The following SMARCC2 variants were observed in gnomAD, a reference collection of about 807,000 sequenced individuals.
The protein encoded by SMARCC2 is SWI/SNF related BAF chromatin remodeling complex subunit C2, also known as SWI/SNF complex subunit SMARCC2.
SMARCC2 carries 15 observed loss-of-function variants against 151.3 expected under a neutral mutation model. The observed-to-expected ratio is 0.10, with a 90% CI of 0.07 to 0.15. The LOEUF (loss-of-function observed/expected upper bound fraction) is 0.15, where lower values mean the gene tolerates loss of function less well. SMARCC2 is among the 10% of genes least tolerant of loss of function. SMARCC2 has a pLI of 1.00. For synonymous variants in SMARCC2, 590 were observed against 609.5 expected (o/e 0.97, Z 0.47); for missense variants, 1,031 against 1,599.7 (o/e 0.64, Z 6.06).
Position 56,178,065 on chromosome 12 carries a change from G to A in SMARCC2, c.1339C>T (p.Pro447Ser). 6.2e-7 allele frequency: 1 copy of A among 1,613,762 alleles called. No individual in the cohort carries two copies. The highest frequency in any genetic ancestry group is 1.3e-5 in the African/African-American group (1 of 75,044). ...TTGTTCTTGCCGTTGAAGAACTCGG[G>A]GAGAGCCCTCCGCTCAATGGCATGA... ...SVHAIERRAL[P>S]EFFNGKNKSK... Residue 447 changes from proline (P) to serine (S), a missense_variant, in exon 15 of 29, where the codon CCC becomes TCC. By Grantham distance (74) the Pro-to-Ser change is moderately conservative. Transcript: ENST00000550164.
chr12:56,170,086 T>G, intron 23 of SMARCC2, 58 bp downstream of exon 23: 1 of 1,529,316 alleles, frequency 6.5e-7, no homozygotes, highest in Non-Finnish European at 9.1e-7. Flanking sequence ...CAAGGCCAAC[T>G]TCCCCATCAC....
Position 56,187,314 on chromosome 12 carries a change from A to G in SMARCC2, c.112-8T>C, listed in dbSNP as rs1160025393. ...TGGTTCAGCTTGTATATACTAAGGA[A>G]AAAGAGGGAAAGGAAAGAAAAATAG... On this transcript the variant is annotated splice_polypyrimidine_tract_variant and splice_region_variant and intron_variant, in intron 1 of 28. Transcript: ENST00000550164. The G allele has an allele frequency of 6.2e-7, 1 of 1,608,512 alleles. No individual in the cohort carries two copies. Among genetic ancestry groups the G allele is most frequent in the African/African-American group, 1.3e-5 (1 of 74,882 alleles).
At position 56,187,079 on chromosome 12, in the gene SMARCC2, A is replaced by T; in HGVS notation, c.231+108T>A. On this transcript the variant is annotated intron_variant, in intron 2 of 28. Transcript: ENST00000550164. ...GGATAGGGATGGTGGAAAATAACCC[A>T]AATTTCAAAAATTACAAAATTCACA... 6 of 1,269,016 alleles carry T rather than the reference A, an allele frequency of 4.7e-6. No individual in the cohort carries two copies. In the South Asian group the frequency reaches 8.7e-5, roughly 18 times the overall value. 78.6% of individuals were successfully genotyped at this position (1,269,016 alleles called of 1,614,324 possible).
chr12:56,169,722 C>T, intron 24 of SMARCC2, 27 bp from the exon 25 acceptor site: 1 of 1,613,954 alleles, frequency 6.2e-7, no homozygotes, highest in Non-Finnish European at 8.5e-7. Flanking sequence ...GTTGAGTTAG[C>T]CCCACAGCTT....
intron 7 of SMARCC2, chr12:56,183,606 T>C (rs1876678773): frequency 2.6e-6 from 1 of 384,084 alleles, no homozygotes; most frequent in East Asian, 4.3e-5. Flanking sequence ...ACATTTAGAT[T>C]GTTTCTAACA....
chr12:56,183,363 T>G (rs965880211), intron 7 of SMARCC2: 8 of 151,794 alleles, frequency 5.3e-5, no homozygotes, highest in African/African-American at 1.9e-4. Context: ...AGACGGGGTT[T>G]CAGCATGTTG....
At chr12:56,172,550 A>G (rs368815429) in intron 19 of SMARCC2, 35 bp downstream of exon 19, 27 of 1,613,534 alleles carry the variant, frequency 1.7e-5, no homozygotes, top group Non-Finnish European at 2.1e-5. Flanking sequence ...AGGAGCGAAC[A>G]TTCTCTACCC....
At chr12:56,169,457 A>T in intron 25 of SMARCC2, 72 bp downstream of exon 25, 1 of 1,511,750 alleles carries the variant, frequency 6.6e-7, no homozygotes, top group South Asian at 1.2e-5. Context: ...GTGAGGAAAG[A>T]TTTCCTCTAA....
Position 56,181,688 on chromosome 12 carries a change from GA to G in SMARCC2, c.840+15del, listed in dbSNP as rs1876241281. ...TATGCTAAGGGCGCCAGGAAAAAAA[GA>G]ACAGGATTTGTCACCTCATCTGTCA... On this transcript the variant is annotated intron_variant, in intron 9 of 28. Coordinates refer to ENST00000550164, the MANE Select transcript of SMARCC2 (RefSeq NM_001330288.2). The G allele has an allele frequency of 1.2e-6, 2 of 1,614,172 alleles. No individual in the cohort carries two copies. The highest frequency in any genetic ancestry group is 1.7e-6 in the Non-Finnish European group (2 of 1,180,018).
At chr12:56,187,740 T>C (rs1877527285) in intron 1 of SMARCC2, among the ~76,000 whole-genome samples, 2 of 152,182 alleles carry the variant, frequency 1.3e-5, no homozygotes, top group Non-Finnish European at 2.9e-5. Context: ...CCCCCTATAA[T>C]GTAGCCTAAC....
intron 7 of SMARCC2, among the ~76,000 whole-genome samples, chr12:56,183,133 C>T (rs1876562682): frequency 6.6e-6 from 1 of 151,894 alleles, no homozygotes; most frequent in African/African-American, 2.4e-5. Context: ...AGCCACTGCA[C>T]CCAGCCTACG....
At chr12:56,180,732 C>G (rs1030325482) in intron 11 of SMARCC2, among the ~76,000 whole-genome samples, 1 of 152,150 alleles carries the variant, frequency 6.6e-6, no homozygotes, top group African/African-American at 2.4e-5. Context: ...CTGTCAGAAA[C>G]ACATAATCAA....
At position 56,181,556 on chromosome 12, in the gene SMARCC2, T is replaced by C; in HGVS notation, c.882A>G (p.Gly294=). The C allele has an allele frequency of 6.3e-7, 1 of 1,588,810 alleles. No individual in the cohort carries two copies. Among genetic ancestry groups the C allele is most frequent in the Non-Finnish European group, 8.6e-7 (1 of 1,168,596 alleles). The change falls in exon 10 of 29, where the codon GGA becomes GGG. Residue 294 remains glycine (G), a synonymous_variant. Transcript: ENST00000550164. ...GGGAGCGCTTCCTCTTCTTATAGTT[T>C]CCCCCCTTCTTGTCCCGTCGATCTG... ...PDSDRRDKKG[G]NYKKRKRSPS... is the part of the protein sequence containing the mutation.
At chr12:56,178,581 C>T in intron 13 of SMARCC2, 47 bp from the exon 14 acceptor site, 2 of 1,613,402 alleles carry the variant, frequency 1.2e-6, no homozygotes, top group Non-Finnish European at 1.7e-6. Flanking sequence ...TGCTTCCTCC[C>T]TAGCAACCCT....
In SMARCC2 at chr12:56,169,078, G is replaced by A. The variant is rs191541939; in HGVS notation, c.2715+451C>T. ...GGAGGCCAAAGCGGGTGGATCACCT[G>A]AGGTTAGGAGTTCAAGACCAGCCTG... On this transcript the variant is annotated intron_variant, in intron 25 of 28. Transcript: ENST00000550164. Among the ~76,000 whole-genome samples, 107 of 152,232 alleles carry A rather than the reference G, an allele frequency of 7.0e-4. 4 individuals carry two copies. In the East Asian group the frequency reaches 0.012, roughly 17 times the overall value.
chr12:56,165,559 G>C lies in SMARCC2; in HGVS notation c.2991C>G (p.Pro997=), dbSNP rs1390347723. The C allele has an allele frequency of 6.2e-7, 1 of 1,613,040 alleles. No homozygotes were observed. The highest frequency in any genetic ancestry group is 8.5e-7 in the Non-Finnish European group (1 of 1,179,914). The change falls in exon 27 of 29, where the codon CCC becomes CCG. Residue 997 remains proline, a synonymous_variant. Transcript: ENST00000550164. ...TTGGGGGGATAGGCTGGGAGCCTGGGGGCAGGGCTGGTGGTGGCTGCTGCT... is the reference window on the plus strand; with the variant it reads ...TTGGGGGGATAGGCTGGGAGCCTGGCGGCAGGGCTGGTGGTGGCTGCTGCT... ...QQQQQPPPAL[P]PGSQPIPPTG... is the part of the protein sequence containing the mutation.
At chr12:56,167,390 C>T (rs1873001626) in intron 26 of SMARCC2, among the ~76,000 whole-genome samples, 3 of 152,134 alleles carry the variant, frequency 2.0e-5, no homozygotes, top group Admixed American at 2.0e-4. Context: ...ATTGTTGAGA[C>T]AGAGATCTCA....
In SMARCC2 at chr12:56,171,971, C is replaced by A; in HGVS notation, c.1927-34G>T. The A allele has an allele frequency of 6.4e-7, 1 of 1,556,296 alleles. No individual in the cohort carries two copies. Among genetic ancestry groups the A allele is most frequent in the Non-Finnish European group, 8.7e-7 (1 of 1,149,692 alleles). On this transcript the variant is annotated intron_variant, in intron 20 of 28. Transcript: ENST00000550164. This position sits in a 1 kb window ranked among gnomAD's most constrained non-coding sequence, Gnocchi z 4.2. ...AGTGGTGGAGACATAACTCCGCTTACTTAGCCACTTTTCTCGAAGGCTGAC... is the reference window on the plus strand; with the variant it reads ...AGTGGTGGAGACATAACTCCGCTTAATTAGCCACTTTTCTCGAAGGCTGAC...
chr12:56,165,207 G>C, intron 27 of SMARCC2, 111 bp downstream of exon 27: 2 of 1,330,138 alleles, frequency 1.5e-6, no homozygotes, highest in Non-Finnish European at 2.0e-6. Context: ...CCCATCTGTA[G>C]AAATTGAGGC....
Sources: gnomAD v4.1 joint callset for allele counts (sites outside exome capture counted in the v4.1 genomes callset) on GRCh38, gnomAD v4.1.1 for gene constraint, Gnocchi (gnomAD v3.1) non-coding constraint, MANE v1.5 for transcripts, NCBI Gene and HGNC (gene_info 2026-07-23, HGNC 2026-07-21) for gene names.